The following APPL1 variants were observed in gnomAD, a reference collection of about 807,000 sequenced individuals.
APPL1 encodes the protein adaptor protein, phosphotyrosine interacting with PH domain and leucine zipper 1.
Under a neutral mutation model 106.8 loss-of-function variants are expected in APPL1, and 42 were observed. The ratio of observed to expected loss-of-function variants is 0.39; its 90% CI spans 0.31 to 0.51. The LOEUF (loss-of-function observed/expected upper bound fraction) is 0.51. Among genes scored for constraint, APPL1 ranks in the 20% least tolerant of loss-of-function variants. The pLI, the probability that APPL1 is intolerant of heterozygous loss-of-function variation, is 0.75. For synonymous variants in APPL1, 263 were observed against 281.8 expected (o/e 0.93, Z 0.67); for missense variants, 769 against 858.2 (o/e 0.90, Z 1.30).
At position 57,228,343 on chromosome 3, in the gene APPL1, G is replaced by T. The variant is rs1438211335; in HGVS notation, c.54+406G>T. On this transcript the variant is annotated intron_variant, in intron 1 of 21. Coordinates refer to ENST00000288266, the MANE Select transcript of APPL1 (RefSeq NM_012096.3). The surrounding 1 kb of genome is among the most constrained non-coding windows in gnomAD (Gnocchi z 4.6). ...AGAAACCCCGATAGTCTTATTTAAT[G>T]ATTTCCGAGGCTCAGCAAGCTAAGG... is the stretch of plus-strand genomic sequence containing the variant. Among the ~76,000 whole-genome samples, 1 of 152,228 alleles carries T rather than the reference G, an allele frequency of 6.6e-6. No individual in the cohort carries two copies. The highest frequency in any genetic ancestry group is 1.5e-5 in the Non-Finnish European group (1 of 68,030).
At chr3:57,238,504 T>C (rs1319054537) in intron 4 of APPL1, among the ~76,000 whole-genome samples, 1 of 152,134 alleles carries the variant, frequency 6.6e-6, no homozygotes, top group East Asian at 1.9e-4. Flanking sequence ...GAATCAACCC[T>C]GAATTCCTCA....
intron 11 of APPL1, among the ~76,000 whole-genome samples, chr3:57,251,800 C>T (rs892750218): frequency 1.3e-5 from 2 of 152,002 alleles, no homozygotes; most frequent in African/African-American, 2.4e-5. Flanking sequence ...TTTTCTCAAA[C>T]TCTAATATCT....
intron 1 of APPL1, among the ~76,000 whole-genome samples, chr3:57,229,138 G>A (rs1210553810): frequency 6.6e-6 from 1 of 152,066 alleles, no homozygotes; most frequent in East Asian, 1.9e-4. Flanking sequence ...ACTCACATTT[G>A]GTTTATCTTG....
At chr3:57,247,546 A>G in intron 9 of APPL1, 69 bp downstream of exon 9, 1 of 989,592 alleles carries the variant, frequency 1.0e-6, no homozygotes, top group Non-Finnish European at 1.5e-6. Context: ...GACATAATGT[A>G]AAGATATTTA....
In APPL1 at chr3:57,256,980, A is replaced by T. The variant is rs575856765; in HGVS notation, c.1176A>T (p.Gln392His). ...AGGAAACTGCTGCACGAGTAAATCAATCAGCTCTGGAAGCTGTCACTCCTT... is the reference window on the plus strand; with the variant it reads ...AGGAAACTGCTGCACGAGTAAATCATTCAGCTCTGGAAGCTGTCACTCCTT... ...NPEETAARVN[Q>H]SALEAVTPSP... is the part of the protein sequence containing the mutation. Residue 392 changes from glutamine to histidine, a missense_variant, in exon 14 of 22, where the codon CAA becomes CAT. By Grantham distance (24) the Gln-to-His change is conservative (BLOSUM62 0). Coordinates refer to ENST00000288266, the MANE Select transcript of APPL1 (RefSeq NM_012096.3). The T allele has an allele frequency of 6.2e-7, 1 of 1,614,184 alleles. No individual in the cohort carries two copies. The highest frequency in any genetic ancestry group is 2.2e-5 in the East Asian group (1 of 44,886).
Position 57,260,643 on chromosome 3 carries a change from G to A in APPL1, c.1711G>A (p.Val571Ile), listed in dbSNP as rs1404494546. 1.2e-6 allele frequency: 2 copies of A among 1,609,134 alleles called. No homozygotes were observed. The highest frequency in any genetic ancestry group is 1.7e-5 in the Admixed American group (1 of 59,836). The part of the protein sequence containing the change: ...VTRLTFPLPC[V>I]VLYATHQENK... Reference sequence around the variant, plus strand: ...TCTGTGGCAGTTTCCATTACCTTGTGTAGTTTTGTATGCTACACACCAGGA... The same window carrying A: ...TCTGTGGCAGTTTCCATTACCTTGTATAGTTTTGTATGCTACACACCAGGA... Residue 571 changes from valine to isoleucine, a missense_variant, in exon 19 of 22, where the codon GTA becomes ATA. Transcript: ENST00000288266.
intron 3 of APPL1, 85 bp from the exon 4 acceptor site, chr3:57,237,960 G>T (rs1263494161): frequency 9.3e-7 from 1 of 1,077,814 alleles, no homozygotes; most frequent in Non-Finnish European, 1.4e-6. Flanking sequence ...GTTTTCTGAA[G>T]TTATTTAAAA....
chr3:57,264,056 T>C (rs939031891), intron 19 of APPL1, among the ~76,000 whole-genome samples: 5 of 152,214 alleles, frequency 3.3e-5, no homozygotes, highest in African/African-American at 1.2e-4. Context: ...GCATTTGTTA[T>C]TGCCTTTTTG....
In APPL1 at chr3:57,271,758, C is replaced by T. The variant is rs944688568; in HGVS notation, c.*2071C>T. On this transcript the variant is annotated 3_prime_UTR_variant, in exon 22 of 22. Coordinates refer to ENST00000288266, the MANE Select transcript of APPL1 (RefSeq NM_012096.3). Reference sequence around the variant, plus strand: ...AGGGATGCTGGACAGACCTGTAGTTCGTTTTAAGTCATGTTCACAGGAATT... The same window carrying T: ...AGGGATGCTGGACAGACCTGTAGTTTGTTTTAAGTCATGTTCACAGGAATT... The T allele has an allele frequency of 6.6e-6, 1 of 152,154 alleles. No homozygotes were observed. The highest frequency in any genetic ancestry group is 2.4e-5 in the African/African-American group (1 of 41,424). 9.4% of individuals were successfully genotyped at this position (152,154 alleles called of 1,614,324 possible).
intron 8 of APPL1, among the ~76,000 whole-genome samples, chr3:57,247,149 A>G (rs899168374): frequency 6.6e-6 from 1 of 152,228 alleles, no homozygotes; most frequent in African/African-American, 2.4e-5. Context: ...ATTGTTAACC[A>G]TATGTATATA....
At chr3:57,227,973 C>A in intron 1 of APPL1, 36 bp downstream of exon 1, 1 of 1,403,024 alleles carries the variant, frequency 7.1e-7, no homozygotes, top group Non-Finnish European at 9.4e-7. Context: ...CGAGGGAGAG[C>A]CCAGCTGGCC....
At chr3:57,240,813 A>G (rs916646340) in intron 5 of APPL1, among the ~76,000 whole-genome samples, 14 of 152,208 alleles carry the variant, frequency 9.2e-5, no homozygotes, top group African/African-American at 2.4e-5. Flanking sequence ...TATGTCTCTT[A>G]TAATTAGGGA....
At chr3:57,235,935 A>G (rs1374226396) in intron 2 of APPL1, among the ~76,000 whole-genome samples, 3 of 151,694 alleles carry the variant, frequency 2.0e-5, no homozygotes, top group African/African-American at 7.3e-5. Context: ...CCCCCATTAA[A>G]CTCACTGATA....
intron 6 of APPL1, among the ~76,000 whole-genome samples, chr3:57,242,350 A>G (rs2060751051): frequency 1.3e-5 from 2 of 152,180 alleles, no homozygotes. Context: ...ACAGGTTACT[A>G]TCTTCATAAT....
At chr3:57,239,878 A>G (rs923297161) in intron 4 of APPL1, among the ~76,000 whole-genome samples, 34 of 152,132 alleles carry the variant, frequency 2.2e-4, no homozygotes, top group African/African-American at 7.5e-4. Flanking sequence ...AAATTTTTTT[A>G]AAAATTATGG....
rs1384342432 is a variant in APPL1, at chr3:57,257,161, T to C, written c.1248-85T>C. The C allele has an allele frequency of 4.5e-6, 7 of 1,550,996 alleles. No homozygotes were observed. In the Admixed American group the frequency reaches 5.8e-5, roughly 13 times the overall value. On this transcript the variant is annotated intron_variant, in intron 14 of 21. Transcript: ENST00000288266. ...TAAGACTTCTCATTGACTTATAATA[T>C]TGTGTTTTCTTTTTTCATAGTTTGT...
rs2060843017 is a variant in APPL1 at position 57,257,400 on chromosome 3, C to A, written c.1402C>A (p.Gln468Lys). Reference protein sequence around the residue: ...ISPVCEDQPGQAKAFGQGGRR... With the variant: ...ISPVCEDQPGKAKAFGQGGRR... ...TCCTGTGTGTGAAGATCAGCCTGGC[C>A]AGGCAAAAGCCTTTGGCCAGGGAGG... The change falls in exon 15 of 22, where the codon CAG (glutamine) becomes AAG (lysine). Residue 468 changes from glutamine to lysine, a missense_variant. Gln to Lys is a moderately conservative substitution (Grantham distance 53). Transcript: ENST00000288266. The A allele has an allele frequency of 1.2e-6, 2 of 1,613,538 alleles. No homozygotes were observed. The highest frequency in any genetic ancestry group is 1.7e-6 in the Non-Finnish European group (2 of 1,179,740).
At chr3:57,262,360 GT>G (rs570404539) in intron 19 of APPL1, among the ~76,000 whole-genome samples, 45 of 32,912 alleles carry the variant, frequency 1.4e-3, no homozygotes, top group East Asian at 0.013. Flanking sequence ...TTCTTCTAGT[GT>G]TTTTTTTTTC....
Position 57,272,110 on chromosome 3 carries a change from T to C in APPL1, c.*2423T>C, listed in dbSNP as rs2060945646. 2 of 152,212 alleles carry C rather than the reference T, an allele frequency of 1.3e-5. No homozygotes were observed. The highest frequency in any genetic ancestry group is 4.1e-4 in the South Asian group (2 of 4,830). 9.4% of individuals were successfully genotyped at this position (152,212 alleles called of 1,614,324 possible). A position where few individuals can be genotyped will look rare whatever the true frequency, so the allele number is the denominator to read the frequency against. ...TTCTCACATTCAGACTTACACTTAA[T>C]GGTGTTAGAAATCAACAAAACTCCT... On this transcript the variant is annotated 3_prime_UTR_variant, in exon 22 of 22. Transcript: ENST00000288266.
Sources: gnomAD v4.1 joint callset for allele counts (sites outside exome capture counted in the v4.1 genomes callset) on GRCh38, gnomAD v4.1.1 for gene constraint, Gnocchi (gnomAD v3.1) non-coding constraint, MANE v1.5 for transcripts, NCBI Gene and HGNC (gene_info 2026-07-23, HGNC 2026-07-21) for gene names.